The following METTL14 variants were observed in gnomAD, a reference collection of about 807,000 sequenced individuals.
The protein encoded by METTL14 is N(6)-adenosine-methyltransferase non-catalytic subunit METTL14.
In METTL14, 32 loss-of-function variants were observed where a neutral mutation model predicts 62.4. The ratio of observed to expected loss-of-function variants is 0.51; its 90% confidence interval spans 0.39 to 0.69. The LOEUF (loss-of-function observed/expected upper bound fraction) is 0.69. Ranked by LOEUF, METTL14 falls within the 30% of genes least tolerant of loss-of-function variation. METTL14 has a pLI of 0.00. For synonymous variants in METTL14, 150 were observed against 180.0 expected (o/e 0.83, Z 1.34); for missense variants, 340 against 551.9 (o/e 0.62, Z 3.85).
intron 7 of METTL14, 44 bp downstream of exon 7, chr4:118,697,367 A>G (rs780235574): frequency 9.4e-6 from 14 of 1,493,500 alleles, no homozygotes; most frequent in Non-Finnish European, 1.3e-5. Context: ...TTTATTTTCA[A>G]ATGAATATGT....
At chr4:118,701,400 G>C (rs1287528280) in intron 8 of METTL14, among the ~76,000 whole-genome samples, 1 of 151,594 alleles carries the variant, frequency 6.6e-6, no homozygotes, top group African/African-American at 2.4e-5. Context: ...TGCCCAGGCT[G>C]GCCCCAAACT....
chr4:118,697,207 T>C lies in METTL14; in HGVS notation c.529T>C (p.Phe177Leu), dbSNP rs1274678567. 6.2e-7 allele frequency: 1 copy of C among 1,610,462 alleles called. No homozygotes were observed. The highest frequency in any genetic ancestry group is 1.3e-5 in the African/African-American group (1 of 74,746). The change falls in exon 7 of 11, where the codon TTT becomes CTT. Residue 177 changes from phenylalanine to leucine, a missense_variant. Around this residue, in one of 7 missense-constraint regions of METTL14, gnomAD observed 41 missense variants for 44.0 expected, o/e 0.93. Transcript: ENST00000388822. The stretch of plus-strand genomic sequence containing the variant: ...GTACTTACAAGCCGATATAGAAGCC[T>C]TTGACATCAGAGAACTAACACCCAA... ...PMYLQADIEA[F>L]DIRELTPKFD...
intron 2 of METTL14, 122 bp downstream of exon 2, chr4:118,688,133 C>A: frequency 1.3e-6 from 1 of 746,048 alleles, no homozygotes; most frequent in South Asian, 1.9e-5. Flanking sequence ...CTCCTGGGCT[C>A]AAGTGGTACA....
rs781011590 is a variant in METTL14, at chr4:118,705,783, G to A, written c.1028G>A (p.Arg343His). 9 of 1,613,838 alleles carry A rather than the reference G, an allele frequency of 5.6e-6. No individual in the cohort carries two copies. Among genetic ancestry groups the A allele is most frequent in the South Asian group, 4.4e-5 (4 of 91,074 alleles). ...IIEHFCLGRR[R>H]LHLFGRDSTI... ...GAGCATTTTTGTCTTGGTAGAAGAC[G>A]CCTTCATCTATTTGGAAGAGATAGT... Residue 343 changes from arginine (R) to histidine (H), a missense_variant, in exon 10 of 11, where the codon CGC becomes CAC. This residue lies in a region of METTL14 where 62 missense variants were observed against 82.3 expected (regional missense o/e 0.75). Coordinates refer to ENST00000388822, the MANE Select transcript of METTL14 (RefSeq NM_020961.4).
intron 5 of METTL14, among the ~76,000 whole-genome samples, chr4:118,694,198 T>C (rs916772717): frequency 2.6e-5 from 4 of 151,892 alleles, no homozygotes; most frequent in African/African-American, 2.4e-5. Context: ...ATATGTGATA[T>C]TAAGTGGCTT....
intron 8 of METTL14, among the ~76,000 whole-genome samples, chr4:118,702,405 A>G (rs1239152940): frequency 6.6e-6 from 1 of 152,200 alleles, no homozygotes; most frequent in Non-Finnish European, 1.5e-5. Flanking sequence ...TTTAGGTCAT[A>G]GTGATGTTAA....
chr4:118,691,900 C>A, intron 4 of METTL14, 81 bp from the exon 5 acceptor site: 2 of 882,810 alleles, frequency 2.3e-6, no homozygotes, highest in South Asian at 1.6e-5. Flanking sequence ...TTTATATCAC[C>A]TTGTAATAGA....
At chr4:118,694,698 T>C (rs891505576) in intron 6 of METTL14, among the ~76,000 whole-genome samples, 172 bp downstream of exon 6, 1 of 152,208 alleles carries the variant, frequency 6.6e-6, no homozygotes, top group Non-Finnish European at 1.5e-5. Flanking sequence ...GCTCATTATG[T>C]TGCCCAGGCT....
intron 6 of METTL14, among the ~76,000 whole-genome samples, chr4:118,695,422 G>A (rs746852776): frequency 3.3e-5 from 5 of 151,902 alleles, no homozygotes; most frequent in East Asian, 1.9e-4. Flanking sequence ...GGTGGTGCAC[G>A]CCTGTAATCC....
intron 5 of METTL14, among the ~76,000 whole-genome samples, chr4:118,694,063 A>G (rs529065155): frequency 6.0e-5 from 7 of 117,440 alleles, no homozygotes; most frequent in African/African-American, 1.9e-4. Flanking sequence ...CTTTAGGATA[A>G]GGATTTTTTT....
chr4:118,694,665 C>T, intron 6 of METTL14, 139 bp downstream of exon 6: 1 of 681,936 alleles, frequency 1.5e-6, no homozygotes. Flanking sequence ...TTCTCTCTGC[C>T]TTTTTGTTTT....
At chr4:118,698,844 A>G (rs748883149) in intron 7 of METTL14, among the ~76,000 whole-genome samples, 2 of 152,246 alleles carry the variant, frequency 1.3e-5, no homozygotes, top group Admixed American at 6.5e-5. Context: ...ATCTGGTTTC[A>G]AAATACATAT....
intron 10 of METTL14, among the ~76,000 whole-genome samples, chr4:118,709,478 G>GC (rs1724856395): frequency 7.4e-6 from 1 of 135,048 alleles, no homozygotes; most frequent in Non-Finnish European, 1.7e-5. Context: ...TATTGACCTT[G>GC]TAAAAAAAAA....
chr4:118,695,917 T>G (rs1229523654), intron 6 of METTL14, among the ~76,000 whole-genome samples: 1 of 151,686 alleles, frequency 6.6e-6, no homozygotes, highest in Non-Finnish European at 1.5e-5. Context: ...CAAGACCGTC[T>G]TGGCCAACAT....
chr4:118,696,147 T>TAAG (rs1560879799), intron 6 of METTL14, among the ~76,000 whole-genome samples: 1 of 109,966 alleles, frequency 9.1e-6, no homozygotes, highest in African/African-American at 2.9e-5. Context: ...AAAAAAAAAT[T>TAAG]GTATTCTGTA....
chr4:118,714,407 G>A lies in METTL14; in HGVS notation c.*4105G>A, dbSNP rs898515259. On this transcript the variant is annotated 3_prime_UTR_variant, in exon 11 of 11. Coordinates refer to ENST00000388822, the MANE Select transcript of METTL14 (RefSeq NM_020961.4). Reference sequence around the variant, plus strand: ...GAGACCTCATACCCTGGGTAAAGTGGACATCACTTGTCAGCTCCAGCTAAT... The same window carrying A: ...GAGACCTCATACCCTGGGTAAAGTGAACATCACTTGTCAGCTCCAGCTAAT... 1 of 151,612 alleles carries A rather than the reference G, an allele frequency of 6.6e-6. No homozygotes were observed. Among genetic ancestry groups the A allele is most frequent in the Non-Finnish European group, 1.5e-5 (1 of 68,016 alleles). The allele number at this position is 151,612 out of a possible 1,614,324, so 9.4% of individuals were successfully genotyped here. A position where few individuals can be genotyped will look rare whatever the true frequency, so the allele number is the denominator to read the frequency against.
At chr4:118,702,118 C>CTT (rs70944803) in intron 8 of METTL14, among the ~76,000 whole-genome samples, 14 of 128,620 alleles carry the variant, frequency 1.1e-4, no homozygotes, top group African/African-American at 1.4e-4. Context: ...AGGTTTTTAT[C>CTT]TTTTTTTTTT....
chr4:118,693,207 G>T (rs1411712927), intron 5 of METTL14, among the ~76,000 whole-genome samples: 1 of 152,158 alleles, frequency 6.6e-6, no homozygotes, highest in Non-Finnish European at 1.5e-5. Flanking sequence ...GTATTTTACT[G>T]TGGTTTTGAT....
At position 118,712,193 on chromosome 4, in the gene METTL14, G is replaced by A. The variant is rs1237485941; in HGVS notation, c.*1891G>A. 2.0e-5 allele frequency: 3 copies of A among 152,186 alleles called. No homozygotes were observed. Among genetic ancestry groups the A allele is most frequent in the African/African-American group, 7.2e-5 (3 of 41,436 alleles). 9.4% of individuals were successfully genotyped at this position (152,186 alleles called of 1,614,324 possible). A position where few individuals can be genotyped will look rare whatever the true frequency, so the allele number is the denominator to read the frequency against. On this transcript the variant is annotated 3_prime_UTR_variant, in exon 11 of 11. Coordinates refer to ENST00000388822, the MANE Select transcript of METTL14 (RefSeq NM_020961.4). ...TAGTTTTTGCTAACTTTCACTTTCA[G>A]TAAAGGTTGAGGTGTTGTTTTTGCA...
Sources: allele counts gnomAD v4.1 joint callset (sites outside exome capture counted in the v4.1 genomes callset), GRCh38; gene constraint gnomAD v4.1.1; regional missense constraint gnomAD v4.1.1; transcripts MANE v1.5; gene names NCBI Gene and HGNC (gene_info 2026-07-23, HGNC 2026-07-21).